IARS2: variants seen among roughly 807,000 people sequenced by gnomAD.
IARS2 encodes the protein isoleucine--tRNA ligase, mitochondrial.
Under a neutral mutation model 126.3 loss-of-function variants are expected in IARS2, and 56 were observed. The observed-to-expected ratio is 0.44, with a 90% CI of 0.36 to 0.55. The LOEUF (loss-of-function observed/expected upper bound fraction) is 0.55. IARS2 is among the 20% of genes least tolerant of loss of function. The pLI is 0.00. For missense variants in IARS2, 1,127 were observed against 1,245.9 expected (o/e 0.90, Z 1.44); for synonymous variants, 407 against 441.1 (o/e 0.92, Z 0.97).
intron 10 of IARS2, among the ~76,000 whole-genome samples, chr1:220,110,339 C>T (rs1053090867): frequency 6.6e-6 from 1 of 151,760 alleles, no homozygotes; most frequent in African/African-American, 2.4e-5. Context: ...GGATTACAGG[C>T]GTGAGCAACC....
At chr1:220,144,625 G>C (rs1657553936) in intron 21 of IARS2, among the ~76,000 whole-genome samples, 1 of 152,160 alleles carries the variant, frequency 6.6e-6, no homozygotes, top group Admixed American at 6.5e-5. Context: ...ACACAGCCTA[G>C]TCCTGGCCTT....
chr1:220,147,753 G>C lies in IARS2; in HGVS notation c.*118G>C. 1.0e-6 allele frequency: 1 copy of C among 956,274 alleles called. No homozygotes were observed. The highest frequency in any genetic ancestry group is 1.6e-6 in the Non-Finnish European group (1 of 637,024). The allele number at this position is 956,274 out of a possible 1,614,324, so 59.2% of individuals were successfully genotyped here. A position where few individuals can be genotyped will look rare whatever the true frequency, so the allele number is the denominator to read the frequency against. On this transcript the variant is annotated 3_prime_UTR_variant, in exon 23 of 23. Transcript: ENST00000366922. The stretch of plus-strand genomic sequence containing the variant: ...TAGGTAATGAGTGGATGAGTAAATG[G>C]TGGAGGATGGGAGTCAAAATCAGAA...
intron 15 of IARS2, 46 bp downstream of exon 15, chr1:220,134,556 GT>G: frequency 8.3e-7 from 1 of 1,210,874 alleles, no homozygotes; most frequent in South Asian, 1.3e-5. Context: ...CTGCCAGTGT[GT>G]GAAGCACTAT....
chr1:220,128,567 AAT>A lies in IARS2; in HGVS notation c.1837+1725_1837+1726del, dbSNP rs570673648. 1.3e-4 allele frequency among the ~76,000 whole-genome samples: 20 copies of A among 152,328 alleles called. No homozygotes were observed. The East Asian group carries it at 3.9e-3, about 29-fold the overall frequency. On this transcript the variant is annotated intron_variant, in intron 14 of 22. Transcript: ENST00000366922. Reference sequence around the variant, plus strand: ...TTCTCAGAGCATATCTCTATTAAGCAATGCATGACTATGTATTGAAAATGCAG... The same window carrying A: ...TTCTCAGAGCATATCTCTATTAAGCAGCATGACTATGTATTGAAAATGCAG...
In IARS2 at chr1:220,112,488, G is replaced by A. The variant is rs146186034; in HGVS notation, c.1479+1551G>A. ...TGGATTATTTTAAAGCAAATTCCAGGCACTATTTCTTCCATATTATATATT... is the reference window on the plus strand; with the variant it reads ...TGGATTATTTTAAAGCAAATTCCAGACACTATTTCTTCCATATTATATATT... On this transcript the variant is annotated intron_variant, in intron 11 of 22. Coordinates refer to ENST00000366922, the MANE Select transcript of IARS2 (RefSeq NM_018060.4). 8.6e-3 allele frequency among the ~76,000 whole-genome samples: 1,305 copies of A among 151,286 alleles called. 33 individuals are homozygous for A. The highest frequency in any genetic ancestry group is 0.029 in the South Asian group (140 of 4,780).
intron 21 of IARS2, among the ~76,000 whole-genome samples, chr1:220,143,645 ATT>A (rs1401555223): frequency 2.6e-5 from 4 of 152,188 alleles, no homozygotes; most frequent in Non-Finnish European, 5.9e-5. Context: ...TTTCCTGAGA[ATT>A]TCATCCATCT....
intron 2 of IARS2, among the ~76,000 whole-genome samples, 195 bp downstream of exon 2, chr1:220,096,421 A>G (rs935988595): frequency 7.9e-5 from 12 of 152,216 alleles, no homozygotes; most frequent in Admixed American, 4.6e-4. Flanking sequence ...GCTTAACGTT[A>G]TATTAGTAAA....
intron 2 of IARS2, 87 bp downstream of exon 2, chr1:220,096,313 AT>A: frequency 1.7e-5 from 15 of 879,592 alleles, no homozygotes; most frequent in Non-Finnish European, 2.3e-5. Flanking sequence ...TATGATAATT[AT>A]GTAAATTTAG....
chr1:220,146,150 C>T (rs1010350707), intron 22 of IARS2, among the ~76,000 whole-genome samples: 2 of 152,042 alleles, frequency 1.3e-5, no homozygotes, highest in Non-Finnish European at 2.9e-5. Flanking sequence ...AGCATTTTGT[C>T]GATATTTGTT....
In IARS2 at chr1:220,102,192, T is replaced by A; in HGVS notation, c.614T>A (p.Met205Lys). 1.9e-6 allele frequency: 3 copies of A among 1,612,064 alleles called. No individual in the cohort carries two copies. Among genetic ancestry groups the A allele is most frequent in the Non-Finnish European group, 2.5e-6 (3 of 1,179,078 alleles). Residue 205 changes from methionine (M) to lysine (K), a missense_variant, in exon 4 of 23, where the codon ATG becomes AAG. Physicochemically the swap from Met to Lys is moderately conservative, Grantham distance 95. Coordinates refer to ENST00000366922, the MANE Select transcript of IARS2 (RefSeq NM_018060.4). ...QKSAFIRWGI[M>K]ADWNNCYYTF... Reference sequence around the variant, plus strand: ...TCAGCATTTATTCGTTGGGGAATAATGGCAGATTGGAATAATTGCTACTAT... The same window carrying A: ...TCAGCATTTATTCGTTGGGGAATAAAGGCAGATTGGAATAATTGCTACTAT...
At chr1:220,126,921 C>T (rs1657167385) in intron 14 of IARS2, 78 bp downstream of exon 14, 1 of 1,009,868 alleles carries the variant, frequency 9.9e-7, no homozygotes, top group Non-Finnish European at 1.5e-6. Context: ...GATCTATAAT[C>T]AAACTCTTTT....
chr1:220,121,091 T>C (rs1657042224), intron 12 of IARS2, among the ~76,000 whole-genome samples: 3 of 152,212 alleles, frequency 2.0e-5, no homozygotes, highest in African/African-American at 7.2e-5. Context: ...CATATACTTA[T>C]GTAACAAGGA....
rs113019679 is a variant in IARS2 at position 220,122,935 on chromosome 1, T to TA, written c.1641-2291dup. ...ACTTGCCAGTCTAATGATAACATTG[T>TA]AAAAAAAAAAAGGCAAAATGACACC... On this transcript the variant is annotated intron_variant, in intron 12 of 22. Transcript: ENST00000366922. Among the ~76,000 whole-genome samples, 175 of 145,834 alleles carry TA rather than the reference T, an allele frequency of 1.2e-3. 4 individuals are homozygous for TA. The East Asian group carries it at 0.014, about 12-fold the overall frequency.
intron 2 of IARS2, among the ~76,000 whole-genome samples, chr1:220,096,821 C>T (rs1024564152): frequency 3.9e-5 from 6 of 151,956 alleles, no homozygotes; most frequent in African/African-American, 7.2e-5. Context: ...CCGAGGCAAG[C>T]GGATCACGAG....
chr1:220,127,722 A>G (rs1657182620), intron 14 of IARS2, among the ~76,000 whole-genome samples: 1 of 152,204 alleles, frequency 6.6e-6, no homozygotes, highest in African/African-American at 2.4e-5. Context: ...TAGGATTCCT[A>G]GTAGGTGGAT....
intron 2 of IARS2, among the ~76,000 whole-genome samples, chr1:220,097,270 A>G (rs964798198): frequency 6.6e-5 from 10 of 151,766 alleles, no homozygotes; most frequent in African/African-American, 2.4e-4. Flanking sequence ...ACTCTTTGCT[A>G]CTTTAGTGAC....
chr1:220,105,987 C>T lies in IARS2; in HGVS notation c.1163C>T (p.Thr388Met), dbSNP rs373578830. The T allele has an allele frequency of 3.1e-6, 5 of 1,613,912 alleles. No individual in the cohort carries two copies. Among genetic ancestry groups the T allele is most frequent in the East Asian group, 2.2e-5 (1 of 44,880 alleles). The change falls in exon 9 of 23, where the codon ACG becomes ATG. Residue 388 changes from threonine (T) to methionine (M), a missense_variant. Physicochemically the swap from Thr to Met is moderately conservative, Grantham distance 81. Transcript: ENST00000366922. ...PANHVTMAKG[T>M]GLVHTAPAHG... is the part of the protein sequence containing the mutation. ...AATCATGTGACCATGGCAAAAGGAACGGGATTGGTTCACACAGCCCCAGCT... is the reference window on the plus strand; with the variant it reads ...AATCATGTGACCATGGCAAAAGGAATGGGATTGGTTCACACAGCCCCAGCT...
chr1:220,103,125 C>T (rs1656613488), intron 7 of IARS2, among the ~76,000 whole-genome samples: 1 of 151,954 alleles, frequency 6.6e-6, no homozygotes, highest in Non-Finnish European at 1.5e-5. Flanking sequence ...ACCACAACCT[C>T]CACCTCCCGG....
At chr1:220,141,267 T>G (rs1440465273) in intron 19 of IARS2, among the ~76,000 whole-genome samples, 2 of 152,156 alleles carry the variant, frequency 1.3e-5, no homozygotes, top group African/African-American at 2.4e-5. Flanking sequence ...AAGAGAGAGA[T>G]ATATATGTGC....
Sources: allele counts gnomAD v4.1 joint callset (sites outside exome capture counted in the v4.1 genomes callset), GRCh38; gene constraint gnomAD v4.1.1; transcripts MANE v1.5; gene names NCBI Gene and HGNC (gene_info 2026-07-23, HGNC 2026-07-21).